EBNA1BP2: variants seen among roughly 807,000 people sequenced by gnomAD.
EBNA1BP2 encodes the protein probable rRNA-processing protein EBP2.
In EBNA1BP2, 36 loss-of-function variants were observed where a neutral mutation model predicts 43.5. That is an observed-to-expected ratio of 0.83 (90% CI 0.63 to 1.09). The LOEUF (loss-of-function observed/expected upper bound fraction) is 1.09. EBNA1BP2 is among the 50% of genes least tolerant of loss of function. EBNA1BP2 has a pLI of 0.00. For missense variants in EBNA1BP2, 332 were observed against 379.1 expected (o/e 0.88, Z 1.03); for synonymous variants, 127 against 141.3 (o/e 0.90, Z 0.72).
Position 43,165,809 on chromosome 1 carries a change from A to G in EBNA1BP2, c.708-1004T>C, listed in dbSNP as rs187259590. ...TCCTCACAAAACCCTGAGGTTTCAC[A>G]TCTCGATGGCTTTGCTCGTTCAAGC... On this transcript the variant is annotated intron_variant, in intron 7 of 8. Coordinates refer to ENST00000236051, the MANE Select transcript of EBNA1BP2 (RefSeq NM_006824.3). 3.3e-5 allele frequency among the ~76,000 whole-genome samples: 5 copies of G among 152,244 alleles called. No homozygotes were observed. The East Asian group carries it at 7.7e-4, about 23-fold the overall frequency.
intron 5 of EBNA1BP2, 123 bp from the exon 6 acceptor site, chr1:43,167,358 C>A: frequency 1.2e-6 from 1 of 866,148 alleles, no homozygotes; most frequent in South Asian, 1.4e-5. Context: ...GTGCCAAAAA[C>A]TGTGTTAGGG....
chr1:43,168,960 T>C lies in EBNA1BP2; in HGVS notation c.516A>G (p.Ala172=), dbSNP rs778699394. The change falls in exon 5 of 9, where the codon GCA becomes GCG. Residue 172 remains alanine, a synonymous_variant. Coordinates refer to ENST00000236051, the MANE Select transcript of EBNA1BP2 (RefSeq NM_006824.3). ...TCACCTTCTTCCCGTATTTCCTAAGTGCTCGCAGTTGCTTAGCTTTTTCAG... is the reference window on the plus strand; with the variant it reads ...TCACCTTCTTCCCGTATTTCCTAAGCGCTCGCAGTTGCTTAGCTTTTTCAG... The part of the protein sequence containing the change: ...ERSEKAKQLR[A]LRKYGKKVQT... 49 of 1,614,088 alleles carry C rather than the reference T, an allele frequency of 3.0e-5. No homozygotes were observed. Among genetic ancestry groups the C allele is most frequent in the Non-Finnish European group, 4.0e-5 (47 of 1,180,034 alleles).
In EBNA1BP2 at chr1:43,164,724, C is replaced by A. The variant is rs751972108; in HGVS notation, c.789G>T (p.Glu263Asp). Residue 263 changes from glutamate (E) to aspartate (D), a missense_variant, in exon 8 of 9, where the codon GAG (glutamate) becomes GAT (aspartate). By Grantham distance (45) the Glu-to-Asp change is conservative (BLOSUM62 2). This residue lies in a region of EBNA1BP2 where 59 missense variants were observed against 53.3 expected (regional missense o/e 1.11). Coordinates refer to ENST00000236051, the MANE Select transcript of EBNA1BP2 (RefSeq NM_006824.3). ...GGAAGCTAGATACATCATCATAGCTCTCCCGAGTGTTCCACTTTGAGCCTT... is the reference window on the plus strand; with the variant it reads ...GGAAGCTAGATACATCATCATAGCTATCCCGAGTGTTCCACTTTGAGCCTT... ...KKKGSKWNTR[E>D]SYDDVSSFRA... 5.6e-6 allele frequency: 9 copies of A among 1,614,100 alleles called. No homozygotes were observed. The African/African-American group carries it at 9.3e-5, about 17-fold the overall frequency.
At chr1:43,172,481 G>T (rs984906936), upstream of EBNA1BP2, 4 of 1,531,184 alleles carry the variant, frequency 2.6e-6, no homozygotes, top group Non-Finnish European at 3.5e-6. Context: ...GGGGTCGCCA[G>T]AAGGAGCTGG....
In EBNA1BP2 at chr1:43,169,172, G is replaced by A. The variant is rs74068507; in HGVS notation, c.448-144C>T. 3.7e-3 allele frequency: 3,115 copies of A among 839,896 alleles called. 65 individuals carry two copies. The African/African-American group carries it at 0.047, about 13-fold the overall frequency. The allele number at this position is 839,896 out of a possible 1,614,324, so 52.0% of individuals were successfully genotyped here. ...TCAGTTCCAACCCCTGAGGACAATG[G>A]GGCCCACAGGCTGAGCACTTTACCA... is the stretch of plus-strand genomic sequence containing the variant. On this transcript the variant is annotated intron_variant, in intron 4 of 8. Transcript: ENST00000236051.
Position 43,172,195 on chromosome 1 carries a change from C to T in EBNA1BP2, c.-77G>A, listed in dbSNP as rs1379877078. On this transcript the variant is annotated 5_prime_UTR_variant, in exon 1 of 9. Transcript: ENST00000236051. ...CCCAAGCGGCTAGCAGAGGGCGGCC[C>T]TGGCCGCTGCTGCCTGCCTTCAGCC... The T allele has an allele frequency of 1.9e-5, 31 of 1,598,926 alleles. No homozygotes were observed. Among genetic ancestry groups the T allele is most frequent in the Non-Finnish European group, 2.4e-5 (28 of 1,172,426 alleles).
At chr1:43,167,328 T>G in intron 5 of EBNA1BP2, 93 bp from the exon 6 acceptor site, 1 of 1,176,778 alleles carries the variant, frequency 8.5e-7, no homozygotes, top group Non-Finnish European at 1.3e-6. Flanking sequence ...TTAATACCAC[T>G]ACCCTCTGAC....
Position 43,168,965 on chromosome 1 carries a change from G to T in EBNA1BP2, c.511C>A (p.Arg171=). Residue 171 remains arginine (R), a synonymous_variant, in exon 5 of 9, where the codon CGA becomes AGA. Coordinates refer to ENST00000236051, the MANE Select transcript of EBNA1BP2 (RefSeq NM_006824.3). ...MERSEKAKQL[R]ALRKYGKKVQ... is the part of the protein sequence containing the mutation. Reference sequence around the variant, plus strand: ...TTCTTCCCGTATTTCCTAAGTGCTCGCAGTTGCTTAGCTTTTTCAGACCTC... The same window carrying T: ...TTCTTCCCGTATTTCCTAAGTGCTCTCAGTTGCTTAGCTTTTTCAGACCTC... 6.2e-7 allele frequency: 1 copy of T among 1,614,036 alleles called. No individual in the cohort carries two copies.
In EBNA1BP2 at chr1:43,169,913, A is replaced by C. The variant is rs532522021; in HGVS notation, c.447+843T>G. Reference sequence around the variant, plus strand: ...GAACTATGCATGGAACTATGCATGCAAAGGATCTAGGTTGCCTGCTCCTTA... The same window carrying C: ...GAACTATGCATGGAACTATGCATGCCAAGGATCTAGGTTGCCTGCTCCTTA... On this transcript the variant is annotated intron_variant, in intron 4 of 8. Transcript: ENST00000236051. Among the ~76,000 whole-genome samples the C allele has an allele frequency of 1.6e-4, 25 of 152,050 alleles. 1 individual carries two copies. In the South Asian group the frequency reaches 5.2e-3, roughly 32 times the overall value.
In EBNA1BP2 at chr1:43,171,593, A is replaced by T; in HGVS notation, c.209T>A (p.Leu70His). The T allele has an allele frequency of 6.2e-7, 1 of 1,614,174 alleles. No homozygotes were observed. The highest frequency in any genetic ancestry group is 8.5e-7 in the Non-Finnish European group (1 of 1,180,028). The change falls in exon 3 of 9, where the codon CTC becomes CAC. Residue 70 changes from leucine (L) to histidine (H), a missense_variant. Transcript: ENST00000236051. The part of the protein sequence containing the change: ...FKRDLEWVER[L>H]DVTLGPVPEI... ...CGGTACCGGACCCAGTGTCACATCGAGCCTTTCAACCCATTCCAGATCCCG... is the reference window on the plus strand; with the variant it reads ...CGGTACCGGACCCAGTGTCACATCGTGCCTTTCAACCCATTCCAGATCCCG...
Position 43,170,638 on chromosome 1 carries a change from A to G in EBNA1BP2, c.447+118T>C, listed in dbSNP as rs1289569302. The stretch of plus-strand genomic sequence containing the variant: ...AAGTAGCCAATCTATGGAAGAGGTA[A>G]TAATTGTCCTCTGACAACTGGCTCC... On this transcript the variant is annotated intron_variant, in intron 4 of 8. Coordinates refer to ENST00000236051, the MANE Select transcript of EBNA1BP2 (RefSeq NM_006824.3). The G allele has an allele frequency of 2.8e-6, 4 of 1,424,108 alleles. No homozygotes were observed. The African/African-American group carries it at 5.9e-5, about 21-fold the overall frequency. 88.2% of individuals were successfully genotyped at this position (1,424,108 alleles called of 1,614,324 possible).
chr1:43,169,771 G>C (rs982900398), intron 4 of EBNA1BP2, among the ~76,000 whole-genome samples: 15 of 152,124 alleles, frequency 9.9e-5, no homozygotes, highest in Non-Finnish European at 1.9e-4. Flanking sequence ...GGCCTGTTAG[G>C]AACCAGGCCG....
rs952227518 is a variant in EBNA1BP2, at chr1:43,164,357, T to C, written c.*86A>G. ...TTTATTGAAAGAAATGTTTACAACA[T>C]GACACCAACAGAAGGGATCAAAGTG... On this transcript the variant is annotated 3_prime_UTR_variant, in exon 9 of 9. Transcript: ENST00000236051. 1 of 1,516,142 alleles carries C rather than the reference T, an allele frequency of 6.6e-7. No individual in the cohort carries two copies. The highest frequency in any genetic ancestry group is 2.3e-5 in the East Asian group (1 of 44,410). The allele number at this position is 1,516,142 out of a possible 1,614,324, so 93.9% of individuals were successfully genotyped here. A position where few individuals can be genotyped will look rare whatever the true frequency, so the allele number is the denominator to read the frequency against.
intron 4 of EBNA1BP2, among the ~76,000 whole-genome samples, chr1:43,170,548 T>C (rs541524030): frequency 5.0e-4 from 76 of 152,326 alleles, no homozygotes; most frequent in African/African-American, 1.8e-3. Context: ...CTCTCCTTAA[T>C]TGCTGATTTT....
In EBNA1BP2 at chr1:43,165,050, A is replaced by G. The variant is rs72968422; in HGVS notation, c.708-245T>C. The stretch of plus-strand genomic sequence containing the variant: ...AAGCAAGAAGCAGGGAAGGCTCTAC[A>G]TATATTACATGGCTTCCTGCTGTCT... On this transcript the variant is annotated intron_variant, in intron 7 of 8. Transcript: ENST00000236051. Among the ~76,000 whole-genome samples, 379 of 152,298 alleles carry G rather than the reference A, an allele frequency of 2.5e-3. 3 individuals carry two copies. The highest frequency in any genetic ancestry group is 8.6e-3 in the African/African-American group (358 of 41,560).
At chr1:43,165,895 T>A (rs1257583929) in intron 7 of EBNA1BP2, among the ~76,000 whole-genome samples, 1 of 152,194 alleles carries the variant, frequency 6.6e-6, no homozygotes, top group African/African-American at 2.4e-5. Flanking sequence ...TACTCATGCT[T>A]CAAGCAATGC....
At position 43,170,813 on chromosome 1, in the gene EBNA1BP2, C is replaced by T. The variant is rs1049276; in HGVS notation, c.390G>A (p.Thr130=). 6 of 1,606,622 alleles carry T rather than the reference C, an allele frequency of 3.7e-6. No individual in the cohort carries two copies. The African/African-American group carries it at 4.0e-5, about 11-fold the overall frequency. ...CCGCAAAATAATCAGTGGGTCGCTT[C>T]GTAGGGACTTTGAGCTGATGGAGGC... is the stretch of plus-strand genomic sequence containing the variant. ...LPRLHQLKVP[T]KRPTDYFAEM... The change falls in exon 4 of 9, where the codon ACG becomes ACA. Residue 130 remains threonine (T), a synonymous_variant. Coordinates refer to ENST00000236051, the MANE Select transcript of EBNA1BP2 (RefSeq NM_006824.3).
At chr1:43,172,541 G>C (rs1251986372), upstream of EBNA1BP2, 54 of 1,212,742 alleles carry the variant, frequency 4.5e-5, no homozygotes, top group Non-Finnish European at 6.2e-5. Context: ...CGCGGGGGTG[G>C]GGTGGCGCGG....
chr1:43,168,166 G>A (rs1309029066), intron 5 of EBNA1BP2, among the ~76,000 whole-genome samples: 2 of 152,214 alleles, frequency 1.3e-5, no homozygotes, highest in African/African-American at 2.4e-5. Flanking sequence ...GTAGAGGACA[G>A]GATCCCAGCC....
Sources: allele counts gnomAD v4.1 joint callset (sites outside exome capture counted in the v4.1 genomes callset), GRCh38; gene constraint gnomAD v4.1.1; regional missense constraint gnomAD v4.1.1; transcripts MANE v1.5; gene names NCBI Gene and HGNC (gene_info 2026-07-23, HGNC 2026-07-21).